GUCY1A1: variants seen among roughly 807,000 people sequenced by gnomAD.
GUCY1A1 encodes the protein guanylate cyclase soluble subunit alpha-1.
A neutral mutation model predicts 64.5 loss-of-function variants in GUCY1A1; 48 were observed. That is an observed-to-expected ratio of 0.74 (90% CI 0.59 to 0.95). The LOEUF (loss-of-function observed/expected upper bound fraction) is 0.95, where lower values mean the gene tolerates loss of function less well. Among genes scored for constraint, GUCY1A1 ranks in the 40% least tolerant of loss-of-function variants. GUCY1A1 has a pLI of 0.00. For synonymous variants in GUCY1A1, 308 were observed against 303.4 expected (o/e 1.02, Z -0.16); for missense variants, 804 against 825.3 (o/e 0.97, Z 0.32).
chr4:155,684,978 A>G (rs940586348), intron 2 of GUCY1A1, among the ~76,000 whole-genome samples: 1 of 152,158 alleles, frequency 6.6e-6, no homozygotes, highest in Non-Finnish European at 1.5e-5. Flanking sequence ...CCCAGATTAC[A>G]TTTTTTAGTA....
At position 155,736,636 on chromosome 4, in the gene GUCY1A1, G is replaced by A. The variant is rs1736083231; in HGVS notation, c.*6405G>A. The A allele has an allele frequency of 6.6e-6, 1 of 151,948 alleles. No individual in the cohort carries two copies. Among genetic ancestry groups the A allele is most frequent in the African/African-American group, 2.4e-5 (1 of 41,406 alleles). 9.4% of individuals were successfully genotyped at this position (151,948 alleles called of 1,614,324 possible). A position where few individuals can be genotyped will look rare whatever the true frequency, so the allele number is the denominator to read the frequency against. Reference sequence around the variant, plus strand: ...ACTTTTGATTTTTGAGGAATAAAAGGAGTTAGTTTTTTGGTCCTGATGTGT... The same window carrying A: ...ACTTTTGATTTTTGAGGAATAAAAGAAGTTAGTTTTTTGGTCCTGATGTGT... On this transcript the variant is annotated 3_prime_UTR_variant, in exon 10 of 10. Transcript: ENST00000506455.
At chr4:155,722,298 C>T (rs1161962350) in intron 9 of GUCY1A1, 106 bp downstream of exon 9, 6 of 1,475,898 alleles carry the variant, frequency 4.1e-6, no homozygotes, top group Middle Eastern at 2.5e-4. Flanking sequence ...CTTCCTTAGT[C>T]GTAAGGAAAA....
chr4:155,678,225 C>T (rs1390211054), intron 2 of GUCY1A1, among the ~76,000 whole-genome samples: 1 of 152,098 alleles, frequency 6.6e-6, no homozygotes, highest in South Asian at 2.1e-4. Flanking sequence ...AACTCTGCTG[C>T]AATCTGTGAG....
At chr4:155,674,365 G>T (rs1472576861) in intron 2 of GUCY1A1, among the ~76,000 whole-genome samples, 2 of 141,206 alleles carry the variant, frequency 1.4e-5, no homozygotes, top group African/African-American at 5.4e-5. Context: ...AAAAAAAAAA[G>T]AAAGAAAGAA....
At chr4:155,691,077 T>G (rs1261406668) in intron 2 of GUCY1A1, among the ~76,000 whole-genome samples, 1 of 152,216 alleles carries the variant, frequency 6.6e-6, no homozygotes, top group Admixed American at 6.5e-5. Flanking sequence ...GCTTTGACTT[T>G]TAGGCATCAT....
At chr4:155,723,640 ATT>A (rs1734268387) in intron 9 of GUCY1A1, among the ~76,000 whole-genome samples, 2 of 72,400 alleles carry the variant, frequency 2.8e-5, no homozygotes, top group African/African-American at 8.7e-5. Flanking sequence ...TTATTTATTT[ATT>A]TATTTATTTA....
chr4:155,721,887 G>T, intron 8 of GUCY1A1, 151 bp from the exon 9 acceptor site: 1 of 663,818 alleles, frequency 1.5e-6, no homozygotes, highest in Non-Finnish European at 2.7e-6. Flanking sequence ...TTGCATGTGA[G>T]GAGTAGAGGG....
intron 8 of GUCY1A1, among the ~76,000 whole-genome samples, chr4:155,719,422 C>T (rs984493510): frequency 6.6e-6 from 1 of 151,974 alleles, no homozygotes; most frequent in Non-Finnish European, 1.5e-5. Flanking sequence ...TATAATAACA[C>T]TTTAAAGAGG....
intron 2 of GUCY1A1, among the ~76,000 whole-genome samples, chr4:155,694,559 G>A (rs922498658): frequency 2.0e-5 from 3 of 152,024 alleles, no homozygotes; most frequent in African/African-American, 7.2e-5. Flanking sequence ...TACAACCAGG[G>A]GTCAGCAAAC....
At chr4:155,724,861 T>C (rs1734444349) in intron 9 of GUCY1A1, among the ~76,000 whole-genome samples, 1 of 152,082 alleles carries the variant, frequency 6.6e-6, no homozygotes, top group Non-Finnish European at 1.5e-5. Context: ...ATTCACATAT[T>C]AAAATGAACT....
chr4:155,725,490 T>C (rs1287561310), intron 9 of GUCY1A1, among the ~76,000 whole-genome samples: 1 of 152,096 alleles, frequency 6.6e-6, no homozygotes, highest in African/African-American at 2.4e-5. Flanking sequence ...GACACCTGTG[T>C]TTCTCTTTCA....
chr4:155,735,927 T>G lies in GUCY1A1; in HGVS notation c.*5696T>G, dbSNP rs1736012301. Reference sequence around the variant, plus strand: ...ACAGGGATGTGCAGCATCCAGACACTGCTTAATCACAGTGAGCTGCCGTCT... The same window carrying G: ...ACAGGGATGTGCAGCATCCAGACACGGCTTAATCACAGTGAGCTGCCGTCT... On this transcript the variant is annotated 3_prime_UTR_variant, in exon 10 of 10. Coordinates refer to ENST00000506455, the MANE Select transcript of GUCY1A1 (RefSeq NM_001130682.3). 1 of 152,056 alleles carries G rather than the reference T, an allele frequency of 6.6e-6. No individual in the cohort carries two copies. Among genetic ancestry groups the G allele is most frequent in the East Asian group, 1.9e-4 (1 of 5,156 alleles). 9.4% of individuals were successfully genotyped at this position (152,056 alleles called of 1,614,324 possible). A position where few individuals can be genotyped will look rare whatever the true frequency, so the allele number is the denominator to read the frequency against.
intron 9 of GUCY1A1, among the ~76,000 whole-genome samples, chr4:155,726,158 G>T (rs1292507047): frequency 6.6e-6 from 1 of 151,694 alleles, no homozygotes; most frequent in Non-Finnish European, 1.5e-5. Context: ...CTTTTGTATT[G>T]ATTTCAATAA....
At chr4:155,672,245 C>T (rs1734249899) in intron 2 of GUCY1A1, among the ~76,000 whole-genome samples, 1 of 152,108 alleles carries the variant, frequency 6.6e-6, no homozygotes, top group African/African-American at 2.4e-5. Context: ...TAGCCATTTT[C>T]ACCAATTTAG....
intron 9 of GUCY1A1, among the ~76,000 whole-genome samples, chr4:155,727,823 C>A (rs1191204792): frequency 1.3e-5 from 2 of 151,548 alleles, no homozygotes; most frequent in Admixed American, 6.6e-5. Context: ...TAAATAGAAA[C>A]TCTTACATGG....
intron 8 of GUCY1A1, among the ~76,000 whole-genome samples, 195 bp from the exon 9 acceptor site, chr4:155,721,843 G>A (rs769001926): frequency 6.6e-6 from 1 of 152,166 alleles, no homozygotes; most frequent in African/African-American, 2.4e-5. Flanking sequence ...GAGTTAAGAA[G>A]TGTGACTGTT....
chr4:155,699,855 G>T (rs1166480313), intron 3 of GUCY1A1, among the ~76,000 whole-genome samples: 1 of 152,006 alleles, frequency 6.6e-6, no homozygotes, highest in Admixed American at 6.6e-5. Context: ...ATTTTTATTA[G>T]TGAACAGGCA....
intron 4 of GUCY1A1, among the ~76,000 whole-genome samples, chr4:155,704,584 G>A (rs1343627748): frequency 1.3e-5 from 2 of 152,184 alleles, no homozygotes; most frequent in Non-Finnish European, 2.9e-5. Flanking sequence ...AATCCTTAGG[G>A]AAGTGTTTCT....
rs746076360 is a variant in GUCY1A1 at position 155,710,600 on chromosome 4, C to T, written c.435C>T (p.Tyr145=). The T allele has an allele frequency of 8.1e-6, 13 of 1,612,756 alleles. No individual in the cohort carries two copies. The South Asian group carries it at 8.8e-5, about 11-fold the overall frequency. Residue 145 remains tyrosine (Y), a synonymous_variant, in exon 6 of 10, where the codon TAC becomes TAT. Coordinates refer to ENST00000506455, the MANE Select transcript of GUCY1A1 (RefSeq NM_001130682.3). ...SLGEEVFKIC[Y]EEDENILGVV... is the part of the protein sequence containing the mutation. The stretch of plus-strand genomic sequence containing the variant: ...GTGAAGAGGTTTTTAAAATATGTTA[C>T]GAGGAAGATGAAAACATCCTTGGGG...
Sources: allele counts gnomAD v4.1 joint callset (sites outside exome capture counted in the v4.1 genomes callset), GRCh38; gene constraint gnomAD v4.1.1; transcripts MANE v1.5; gene names NCBI Gene and HGNC (gene_info 2026-07-23, HGNC 2026-07-21).